Variants in PSD3 observed in about 807,000 individuals in gnomAD.
PSD3 encodes the protein pleckstrin and Sec7 domain containing 3, also known as PH and SEC7 domain-containing protein 3.
PSD3 carries 49 observed loss-of-function variants against 105.5 expected under a neutral mutation model. The ratio of observed to expected loss-of-function variants is 0.46; its 90% confidence interval spans 0.37 to 0.59. PSD3 has a LOEUF of 0.59. PSD3 is among the 20% of genes least tolerant of loss of function. The pLI is 0.00. For missense variants in PSD3, 1,561 were observed against 1,263.8 expected (o/e 1.24, Z -3.57); for synonymous variants, 557 against 457.8 (o/e 1.22, Z -2.77).
intron 1 of PSD3, among the ~76,000 whole-genome samples, chr8:18,959,022 G>C (rs1823749540): frequency 1.3e-5 from 2 of 151,536 alleles, no homozygotes; most frequent in Admixed American, 6.6e-5. Context: ...TTGGGTTCAA[G>C]TGATTCTTCT....
At chr8:19,073,164 C>G (rs755044215) in intron 1 of PSD3, among the ~76,000 whole-genome samples, 14 of 151,814 alleles carry the variant, frequency 9.2e-5, no homozygotes, top group Non-Finnish European at 1.8e-4. Flanking sequence ...CCATAAGGCA[C>G]AGACTGTTCC....
intron 2 of PSD3, among the ~76,000 whole-genome samples, chr8:18,913,803 T>G (rs1007888740): frequency 4.0e-5 from 6 of 151,716 alleles, no homozygotes; most frequent in African/African-American, 1.5e-4. Context: ...AGATCCTACC[T>G]CTACCACTAC....
At chr8:18,784,254 T>G (rs1174032773) in intron 8 of PSD3, among the ~76,000 whole-genome samples, 2 of 152,172 alleles carry the variant, frequency 1.3e-5, no homozygotes, top group Non-Finnish European at 2.9e-5. Context: ...TAATATACGG[T>G]GCTAATTTCT....
chr8:18,933,760 G>A (rs1821898499), intron 2 of PSD3, among the ~76,000 whole-genome samples: 1 of 152,246 alleles, frequency 6.6e-6, no homozygotes, highest in South Asian at 2.1e-4. Context: ...GAGCAACTAC[G>A]CCAGGCCAAT....
chr8:18,857,517 T>A (rs928856409), intron 4 of PSD3, among the ~76,000 whole-genome samples: 4 of 152,152 alleles, frequency 2.6e-5, no homozygotes, highest in African/African-American at 9.7e-5. Context: ...CTCTAACAAA[T>A]AGAATCTCTG....
At chr8:18,948,683 T>A (rs1247302574) in intron 1 of PSD3, among the ~76,000 whole-genome samples, 1 of 152,202 alleles carries the variant, frequency 6.6e-6, no homozygotes, top group Non-Finnish European at 1.5e-5. Flanking sequence ...AGAAATTGCA[T>A]AAGCATCAGC....
Position 18,808,819 on chromosome 8 carries a change from C to G in PSD3, c.1635-3921G>C, listed in dbSNP as rs115969122. ...CCTGGGGTGCGCCTGGACCATCCTTCCTCTCCGAAGCCCCGTCCAGTATTC... is the reference window on the plus strand; with the variant it reads ...CCTGGGGTGCGCCTGGACCATCCTTGCTCTCCGAAGCCCCGTCCAGTATTC... On this transcript the variant is annotated intron_variant, in intron 4 of 15. Transcript: ENST00000327040. 9.0e-4 allele frequency: 1,448 copies of G among 1,613,630 alleles called. 18 individuals are homozygous for G. In the African/African-American group the frequency reaches 0.018, roughly 20 times the overall value.
intron 1 of PSD3, among the ~76,000 whole-genome samples, chr8:18,978,855 C>T (rs920036878): frequency 6.6e-6 from 1 of 152,158 alleles, no homozygotes; most frequent in East Asian, 1.9e-4. Flanking sequence ...CCCTTCCTCT[C>T]TCCTACCCTC....
At chr8:18,935,976 T>C (rs996640111) in intron 2 of PSD3, 58 bp downstream of exon 2, 6 of 1,145,134 alleles carry the variant, frequency 5.2e-6, no homozygotes, top group South Asian at 1.3e-5. Flanking sequence ...AAAAATCACT[T>C]TGAAATCACA....
At chr8:18,690,270 T>C (rs1800899651) in intron 9 of PSD3, among the ~76,000 whole-genome samples, 1 of 151,980 alleles carries the variant, frequency 6.6e-6, no homozygotes, top group Middle Eastern at 3.2e-3. Context: ...CTGGCAGGAG[T>C]GAGGTACGCA....
chr8:19,069,016 G>A (rs552486810), intron 1 of PSD3, among the ~76,000 whole-genome samples: 4 of 152,126 alleles, frequency 2.6e-5, no homozygotes, highest in African/African-American at 7.2e-5. Flanking sequence ...AGCTTCCATC[G>A]CACCCAACTC....
intron 1 of PSD3, among the ~76,000 whole-genome samples, chr8:19,002,121 C>T (rs1266966771): frequency 6.6e-6 from 1 of 151,962 alleles, no homozygotes; most frequent in South Asian, 2.1e-4. Context: ...AAGGAACATC[C>T]CTTGAAGGCA....
chr8:18,594,667 G>C (rs185528576), intron 12 of PSD3, among the ~76,000 whole-genome samples: 1 of 150,976 alleles, frequency 6.6e-6, no homozygotes, highest in South Asian at 2.1e-4. Context: ...TTTGTTCTAG[G>C]ACCCCTGATG....
At chr8:18,651,250 C>T in intron 10 of PSD3, among the ~76,000 whole-genome samples, 1 of 152,144 alleles carries the variant, frequency 6.6e-6, no homozygotes, top group East Asian at 1.9e-4. Flanking sequence ...TACACTGAAC[C>T]CAGTCAGAAA....
intron 1 of PSD3, among the ~76,000 whole-genome samples, chr8:19,057,663 C>T (rs1477723090): frequency 6.6e-6 from 1 of 152,030 alleles, no homozygotes; most frequent in African/African-American, 2.4e-5. Context: ...AGTTATGCCC[C>T]CAAAGAAGAG....
At chr8:18,564,804 C>T (rs1355856163) in intron 14 of PSD3, among the ~76,000 whole-genome samples, 1 of 152,000 alleles carries the variant, frequency 6.6e-6, no homozygotes, top group Non-Finnish European at 1.5e-5. Flanking sequence ...GCACCACTGC[C>T]TTGTGGTCAT....
At chr8:18,950,343 CT>C (rs1446801924) in intron 1 of PSD3, among the ~76,000 whole-genome samples, 1 of 152,126 alleles carries the variant, frequency 6.6e-6, no homozygotes, top group Non-Finnish European at 1.5e-5. Context: ...ACCTCAAATA[CT>C]TTTTGTATTT....
At chr8:18,800,806 C>G (rs1462010389) in intron 7 of PSD3, among the ~76,000 whole-genome samples, 1 of 152,114 alleles carries the variant, frequency 6.6e-6, no homozygotes, top group Non-Finnish European at 1.5e-5. Context: ...TTAATTTTTC[C>G]AAAACTAACT....
chr8:18,739,553 G>A (rs1804403482), intron 9 of PSD3, among the ~76,000 whole-genome samples: 2 of 152,102 alleles, frequency 1.3e-5, no homozygotes, highest in African/African-American at 4.8e-5. Flanking sequence ...TTTTTCATGT[G>A]TCTAATAGCT....
Sources: gnomAD v4.1 joint callset for allele counts (sites outside exome capture counted in the v4.1 genomes callset) on GRCh38, gnomAD v4.1.1 for gene constraint, MANE v1.5 for transcripts, NCBI Gene and HGNC (gene_info 2026-07-23, HGNC 2026-07-21) for gene names.